RBFOX1: variants seen among roughly 807,000 people sequenced by gnomAD.
RBFOX1 encodes RNA binding protein fox-1 homolog 1.
In RBFOX1, 8 loss-of-function variants were observed where a neutral mutation model predicts 57.7. The ratio of observed to expected loss-of-function variants is 0.14; its 90% CI spans 0.08 to 0.25. RBFOX1 has a LOEUF of 0.25. Among genes scored for constraint, RBFOX1 ranks in the 10% least tolerant of loss-of-function variants. The pLI is 1.00. For synonymous variants in RBFOX1, 326 were observed against 222.4 expected (o/e 1.47, Z -4.15); for missense variants, 611 against 548.5 (o/e 1.11, Z -1.14).
chr16:6,921,646 T>TA (rs893031578), intron 3 of RBFOX1, among the ~76,000 whole-genome samples: 141 of 18,108 alleles, frequency 7.8e-3, no homozygotes, highest in Middle Eastern at 0.029. Flanking sequence ...TATATATATA[T>TA]TTTTTTTTTT....
intron 3 of RBFOX1, among the ~76,000 whole-genome samples, chr16:6,812,189 G>A (rs530457010): frequency 6.6e-6 from 1 of 152,204 alleles, no homozygotes; most frequent in South Asian, 2.1e-4. Context: ...TTTTTTATTT[G>A]TCCTCCTGTT....
intron 1 of RBFOX1, among the ~76,000 whole-genome samples, chr16:6,245,972 C>T (rs1292028273): frequency 2.0e-5 from 3 of 152,158 alleles, no homozygotes; most frequent in African/African-American, 7.2e-5. Context: ...GTTTACTTTT[C>T]CCTCTCTTTT....
chr16:6,572,444 T>G (rs558499309), intron 2 of RBFOX1, among the ~76,000 whole-genome samples: 9 of 152,210 alleles, frequency 5.9e-5, no homozygotes, highest in Non-Finnish European at 8.8e-5. Flanking sequence ...TTTGTTGGGC[T>G]CTTATCTAAG....
intron 3 of RBFOX1, among the ~76,000 whole-genome samples, chr16:5,647,745 T>G (rs2049099647): frequency 6.6e-6 from 1 of 152,236 alleles, no homozygotes; most frequent in African/African-American, 2.4e-5. Context: ...CTTCCCCTAA[T>G]CAGCTGCCAG....
chr16:5,844,075 C>T (rs1427102222), intron 3 of RBFOX1, among the ~76,000 whole-genome samples: 2 of 152,176 alleles, frequency 1.3e-5, no homozygotes, highest in Non-Finnish European at 2.9e-5. Context: ...CCTGGATGGT[C>T]TAGTGATGGT....
At chr16:6,839,621 A>G (rs1015946960) in intron 3 of RBFOX1, among the ~76,000 whole-genome samples, 10 of 152,156 alleles carry the variant, frequency 6.6e-5, no homozygotes, top group African/African-American at 2.4e-4. Context: ...CTTGGTAGGT[A>G]TTTCAATTAG....
intron 2 of RBFOX1, among the ~76,000 whole-genome samples, chr16:6,352,161 C>G (rs148872556): frequency 5.3e-5 from 8 of 152,164 alleles, no homozygotes; most frequent in Admixed American, 5.2e-4. Flanking sequence ...TATCTCAAGT[C>G]CCAGACCTCC....
chr16:5,765,611 A>T (rs2053749792), intron 3 of RBFOX1, among the ~76,000 whole-genome samples: 1 of 152,202 alleles, frequency 6.6e-6, no homozygotes, highest in African/African-American at 2.4e-5. Context: ...GGTGGCTGCT[A>T]TGGATTCTCT....
intron 1 of RBFOX1, among the ~76,000 whole-genome samples, chr16:5,258,745 A>T (rs2062652691): frequency 6.6e-6 from 1 of 152,034 alleles, no homozygotes; most frequent in African/African-American, 2.4e-5. Flanking sequence ...GTGAAACCCT[A>T]TCTCTATTAA....
At chr16:5,482,728 C>T (rs775724449) in intron 2 of RBFOX1, among the ~76,000 whole-genome samples, 9 of 152,148 alleles carry the variant, frequency 5.9e-5, no homozygotes, top group African/African-American at 1.9e-4. Flanking sequence ...TGCTTCTAAA[C>T]GTGCTGCTGT....
At chr16:6,039,773 C>G (rs2095416246) in intron 1 of RBFOX1, among the ~76,000 whole-genome samples, 1 of 152,226 alleles carries the variant, frequency 6.6e-6, no homozygotes, top group African/African-American at 2.4e-5. Flanking sequence ...TAATGCAAAA[C>G]ATACCAATGA....
At chr16:6,595,306 T>C (rs1042783710) in intron 2 of RBFOX1, among the ~76,000 whole-genome samples, 3 of 152,332 alleles carry the variant, frequency 2.0e-5, no homozygotes. Context: ...AATTGAATCA[T>C]GTAATATGTG....
chr16:5,836,343 A>T (rs546627399), intron 3 of RBFOX1, among the ~76,000 whole-genome samples: 1 of 152,296 alleles, frequency 6.6e-6, no homozygotes, highest in South Asian at 2.1e-4. Flanking sequence ...TTTGCCTGGC[A>T]GTGGGGTAGT....
At chr16:7,454,066 C>G (rs1020776718) in intron 4 of RBFOX1, among the ~76,000 whole-genome samples, 2 of 152,192 alleles carry the variant, frequency 1.3e-5, no homozygotes, top group Admixed American at 6.5e-5. Context: ...AACCCCGTCT[C>G]TACTAAAAAT....
intron 3 of RBFOX1, among the ~76,000 whole-genome samples, chr16:6,894,471 G>C (rs1007960592): frequency 6.6e-6 from 1 of 152,186 alleles, no homozygotes; most frequent in South Asian, 2.1e-4. Flanking sequence ...TTATCTTTTG[G>C]TTGGACTCCT....
At chr16:6,800,406 C>G (rs1431594991) in intron 3 of RBFOX1, among the ~76,000 whole-genome samples, 3 of 152,100 alleles carry the variant, frequency 2.0e-5, no homozygotes, top group Non-Finnish European at 4.4e-5. Flanking sequence ...GTGCTTCTCA[C>G]TCTTTAACAG....
intron 1 of RBFOX1, among the ~76,000 whole-genome samples, chr16:5,320,987 T>C (rs74979434): frequency 2.2e-3 from 334 of 152,302 alleles, no homozygotes; most frequent in African/African-American, 7.5e-3. Flanking sequence ...CTTCTGTCTA[T>C]AGTCAGATGC....
intron 2 of RBFOX1, among the ~76,000 whole-genome samples, chr16:6,654,167 T>C (rs1282124076): frequency 6.6e-6 from 1 of 152,002 alleles, no homozygotes; most frequent in Non-Finnish European, 1.5e-5. Flanking sequence ...AATGGATGGA[T>C]GGTTGGATGG....
chr16:7,390,325 G>C (rs2097979162), intron 4 of RBFOX1, among the ~76,000 whole-genome samples: 1 of 152,100 alleles, frequency 6.6e-6, no homozygotes, highest in South Asian at 2.1e-4. Flanking sequence ...TAACAATAGA[G>C]AGAATACATT....
Sources: allele counts gnomAD v4.1 joint callset (sites outside exome capture counted in the v4.1 genomes callset), GRCh38; gene constraint gnomAD v4.1.1; transcripts MANE v1.5; gene names NCBI Gene and HGNC (gene_info 2026-07-23, HGNC 2026-07-21).